The following CNTN4 variants were observed in gnomAD, a reference collection of about 807,000 sequenced individuals.
CNTN4 encodes contactin 4.
CNTN4 carries 77 observed loss-of-function variants against 122.5 expected under a neutral mutation model. That is an observed-to-expected ratio of 0.63 (90% CI 0.52 to 0.76). The LOEUF (loss-of-function observed/expected upper bound fraction) is 0.76, where lower values mean the gene tolerates loss of function less well. Among genes scored for constraint, CNTN4 ranks in the 30% least tolerant of loss-of-function variants. CNTN4 has a pLI of 0.00. For missense variants in CNTN4, 1,256 were observed against 1,259.1 expected (o/e 1.00, Z 0.04); for synonymous variants, 512 against 447.0 (o/e 1.15, Z -1.83).
In CNTN4 at chr3:2,387,178, A is replaced by G. The variant is rs540980011; in HGVS notation, c.-89+47945A>G. Among the ~76,000 whole-genome samples the G allele has an allele frequency of 3.0e-4, 45 of 152,338 alleles. 1 individual carries two copies. The highest frequency in any genetic ancestry group is 2.7e-3 in the South Asian group (13 of 4,834). ...ATATACAATAATTTAAATGAATGAA[A>G]TATTGAAAAATATCTAAAGTTACTT... On this transcript the variant is annotated intron_variant, in intron 3 of 24. Transcript: ENST00000418658.
chr3:2,784,860 C>T (rs556141200), intron 6 of CNTN4, among the ~76,000 whole-genome samples: 9 of 152,228 alleles, frequency 5.9e-5, no homozygotes, highest in Middle Eastern at 3.4e-3. Context: ...ATTCAATAAG[C>T]GCTAGTTCCC....
intron 2 of CNTN4, among the ~76,000 whole-genome samples, chr3:2,284,438 C>T (rs1270268710): frequency 6.6e-6 from 1 of 151,970 alleles, no homozygotes; most frequent in East Asian, 1.9e-4. Flanking sequence ...GCCATTAATC[C>T]TTTTAACTGG....
intron 4 of CNTN4, among the ~76,000 whole-genome samples, chr3:2,576,081 C>T (rs2079666005): frequency 6.6e-6 from 1 of 152,060 alleles, no homozygotes; most frequent in South Asian, 2.1e-4. Context: ...GTGATCTGCC[C>T]ACCTCGGCCT....
At chr3:2,492,013 T>G (rs1403762891) in intron 3 of CNTN4, among the ~76,000 whole-genome samples, 36 of 152,148 alleles carry the variant, frequency 2.4e-4, no homozygotes, top group Non-Finnish European at 1.5e-5. Flanking sequence ...AATGAGGGAA[T>G]TTAGACTATA....
intron 3 of CNTN4, among the ~76,000 whole-genome samples, chr3:2,505,093 G>A (rs2149030835): frequency 6.6e-6 from 1 of 152,222 alleles, no homozygotes; most frequent in Admixed American, 6.5e-5. Flanking sequence ...TTCTTGAATT[G>A]GTTCATTGTA....
chr3:2,819,961 C>G lies in CNTN4; in HGVS notation c.454+380C>G, dbSNP rs533895067. Among the ~76,000 whole-genome samples, 4 of 152,316 alleles carry G rather than the reference C, an allele frequency of 2.6e-5. No homozygotes were observed. The South Asian group carries it at 6.2e-4, about 24-fold the overall frequency. On this transcript the variant is annotated intron_variant, in intron 7 of 24. Transcript: ENST00000418658. Reference sequence around the variant, plus strand: ...TCTGGGAACTGTCTGTGAACTGTGTCTACTCGCAATACTTCTGACACCAAA... The same window carrying G: ...TCTGGGAACTGTCTGTGAACTGTGTGTACTCGCAATACTTCTGACACCAAA...
chr3:2,331,173 C>T (rs937682316), intron 2 of CNTN4, among the ~76,000 whole-genome samples: 36 of 152,154 alleles, frequency 2.4e-4, no homozygotes, highest in African/African-American at 8.4e-4. Context: ...TGATAATTTT[C>T]CTTAGTTGAA....
At chr3:2,842,483 G>T (rs931180412) in intron 7 of CNTN4, among the ~76,000 whole-genome samples, 1 of 150,296 alleles carries the variant, frequency 6.7e-6, no homozygotes, top group African/African-American at 2.4e-5. Flanking sequence ...ACTCCTACCT[G>T]CATCGGAACA....
At chr3:2,933,898 C>T (rs554080588) in intron 13 of CNTN4, among the ~76,000 whole-genome samples, 1 of 152,166 alleles carries the variant, frequency 6.6e-6, no homozygotes, top group South Asian at 2.1e-4. Context: ...ATCTATGGCT[C>T]AAAGGAAGGT....
chr3:2,150,252 A>T (rs1353133403), intron 2 of CNTN4, among the ~76,000 whole-genome samples: 1 of 152,190 alleles, frequency 6.6e-6, no homozygotes, highest in East Asian at 1.9e-4. Flanking sequence ...TTCATAGAAC[A>T]CTGTTAAATC....
At position 2,698,436 on chromosome 3, in the gene CNTN4, C is replaced by T. The variant is rs529815047; in HGVS notation, c.56-37779C>T. 5.3e-5 allele frequency among the ~76,000 whole-genome samples: 8 copies of T among 152,192 alleles called. No individual in the cohort carries two copies. The East Asian group carries it at 1.2e-3, about 22-fold the overall frequency. Reference sequence around the variant, plus strand: ...AGATTAAATGACTTCATGCGGACCACGCCGTAATCTAAGGGTCTAGAGCTC... The same window carrying T: ...AGATTAAATGACTTCATGCGGACCATGCCGTAATCTAAGGGTCTAGAGCTC... On this transcript the variant is annotated intron_variant, in intron 4 of 24. Coordinates refer to ENST00000418658, the MANE Select transcript of CNTN4 (RefSeq NM_175607.3).
At chr3:2,325,481 T>G (rs1426405088) in intron 2 of CNTN4, among the ~76,000 whole-genome samples, 2 of 152,224 alleles carry the variant, frequency 1.3e-5, no homozygotes, top group Non-Finnish European at 2.9e-5. Context: ...CGCCTTTTGT[T>G]TTTATGGTCT....
chr3:2,839,370 T>C (rs972304957), intron 7 of CNTN4, among the ~76,000 whole-genome samples: 3 of 151,548 alleles, frequency 2.0e-5, no homozygotes, highest in African/African-American at 7.3e-5. Flanking sequence ...AAAGAGAAAA[T>C]TGGAAGCCCA....
intron 8 of CNTN4, among the ~76,000 whole-genome samples, chr3:2,868,694 C>T (rs1324120150): frequency 6.6e-6 from 1 of 152,206 alleles, no homozygotes; most frequent in Non-Finnish European, 1.5e-5. Flanking sequence ...TCCTGTGTGA[C>T]AGCCACTATG....
intron 2 of CNTN4, among the ~76,000 whole-genome samples, chr3:2,229,396 T>C (rs375976130): frequency 4.6e-5 from 7 of 152,176 alleles, no homozygotes; most frequent in African/African-American, 9.7e-5. Context: ...TGTTAAAAGA[T>C]TGATTAAATG....
intron 6 of CNTN4, among the ~76,000 whole-genome samples, chr3:2,809,373 T>C (rs2092549471): frequency 6.6e-6 from 1 of 152,120 alleles, no homozygotes; most frequent in South Asian, 2.1e-4. Flanking sequence ...GTCCTGAGAC[T>C]GGGTTAGCTG....
rs1006583706 is a variant in CNTN4 at position 2,746,778 on chromosome 3, G to T, written c.358+1081G>T. 1.5e-4 allele frequency among the ~76,000 whole-genome samples: 23 copies of T among 152,196 alleles called. 1 individual carries two copies. Among genetic ancestry groups the T allele is most frequent in the Non-Finnish European group, 2.9e-5 (2 of 68,030 alleles). On this transcript the variant is annotated intron_variant, in intron 6 of 24. Transcript: ENST00000418658. ...TTTTCTAAGTATTATGTATATGCGA[G>T]ATTCCAGGATTATTCTGTTAGTGAA...
intron 3 of CNTN4, among the ~76,000 whole-genome samples, chr3:2,341,413 C>T (rs796307219): frequency 7.9e-5 from 12 of 152,334 alleles, no homozygotes; most frequent in African/African-American, 1.4e-4. Flanking sequence ...ATTCCAAGAA[C>T]CTAGCAGTGC....
intron 6 of CNTN4, among the ~76,000 whole-genome samples, chr3:2,785,338 G>A (rs1246145489): frequency 6.6e-6 from 1 of 152,116 alleles, no homozygotes; most frequent in Non-Finnish European, 1.5e-5. Context: ...CAGGAGAAGA[G>A]CAATATCTGA....
Sources: gnomAD v4.1 joint callset for allele counts (sites outside exome capture counted in the v4.1 genomes callset) on GRCh38, gnomAD v4.1.1 for gene constraint, MANE v1.5 for transcripts, NCBI Gene and HGNC (gene_info 2026-07-23, HGNC 2026-07-21) for gene names.